The following FAM13A variants were observed in gnomAD, a reference collection of about 807,000 sequenced individuals.
The protein encoded by FAM13A is family with sequence similarity 13 member A.
FAM13A carries 76 observed loss-of-function variants against 129.6 expected under a neutral mutation model. The observed-to-expected ratio is 0.59, with a 90% CI of 0.49 to 0.71. The LOEUF (loss-of-function observed/expected upper bound fraction) is 0.71. Ranked by LOEUF, FAM13A falls within the 30% of genes least tolerant of loss-of-function variation. FAM13A has a pLI of 0.00. For synonymous variants in FAM13A, 443 were observed against 449.9 expected, an observed-to-expected ratio of 0.98 and a Z score of 0.20; for missense variants, 1,108 against 1,249.3, an observed-to-expected ratio of 0.89 and a Z score of 1.70.
At position 88,787,931 on chromosome 4, in the gene FAM13A, G is replaced by A. The variant is rs535040299; in HGVS notation, c.1093C>T (p.Leu365Phe). Residue 365 changes from leucine to phenylalanine, a missense_variant and splice_region_variant, in exon 10 of 24, where the codon CTC becomes TTC. Leu to Phe is a conservative substitution (Grantham distance 22, BLOSUM62 0). Transcript: ENST00000264344. ...GCTGATCGGATGGTTCTTTCTAAGA[G>A]TCTGGCAAAAAAGAATGCAGAGTCA... ...QVSNVSATGE[L>F]LERTIRSAVE... 7.5e-6 allele frequency: 12 copies of A among 1,608,952 alleles called. No homozygotes were observed. The highest frequency in any genetic ancestry group is 1.0e-5 in the Non-Finnish European group (12 of 1,178,008).
At chr4:88,738,690 A>G (rs1367451365) in intron 20 of FAM13A, among the ~76,000 whole-genome samples, 1 of 152,150 alleles carries the variant, frequency 6.6e-6, no homozygotes, top group Non-Finnish European at 1.5e-5. Context: ...CACTCTTTGG[A>G]GTGAAGAGGC....
intron 8 of FAM13A, among the ~76,000 whole-genome samples, chr4:88,800,696 CA>C (rs1185321303): frequency 2.8e-3 from 152 of 54,052 alleles, no homozygotes; most frequent in Admixed American, 4.4e-3. Flanking sequence ...GAAACAAAAA[CA>C]AAAAAAAAAA....
chr4:88,982,658 C>T (rs543677691), intron 4 of FAM13A, among the ~76,000 whole-genome samples: 3 of 152,294 alleles, frequency 2.0e-5, no homozygotes, highest in Non-Finnish European at 2.9e-5. Flanking sequence ...TCAAAACTTA[C>T]AGAAGCAATT....
At chr4:88,920,581 T>A (rs903163338) in intron 5 of FAM13A, among the ~76,000 whole-genome samples, 16 of 151,792 alleles carry the variant, frequency 1.1e-4, no homozygotes, top group Admixed American at 7.9e-4. Flanking sequence ...CAAAAGTAGA[T>A]AAAACCACAA....
At chr4:89,032,030 C>T (rs1374847370) in intron 1 of FAM13A, among the ~76,000 whole-genome samples, 1 of 151,396 alleles carries the variant, frequency 6.6e-6, no homozygotes, top group Admixed American at 6.6e-5. Flanking sequence ...CCATCCTGGC[C>T]AAAATGGTGA....
chr4:88,862,092 A>C (rs77814816), intron 6 of FAM13A, among the ~76,000 whole-genome samples: 170 of 152,368 alleles, frequency 1.1e-3, no homozygotes, highest in African/African-American at 3.8e-3. Context: ...GAGAGACTAA[A>C]TTAGACTTAT....
At chr4:88,779,552 G>A (rs1287471783) in intron 11 of FAM13A, among the ~76,000 whole-genome samples, 5 of 152,112 alleles carry the variant, frequency 3.3e-5, no homozygotes, top group African/African-American at 9.7e-5. Flanking sequence ...TATTGGCAGG[G>A]TTTCAAGTTA....
chr4:88,928,353 TTAGTC>T (rs70959635), intron 5 of FAM13A, among the ~76,000 whole-genome samples: 20,829 of 152,084 alleles, frequency 0.14, 1,832 homozygotes, highest in Non-Finnish European at 0.2. Flanking sequence ...CTAAGTCCGT[TTAGTC>T]TAAAGTCCAA....
At chr4:88,808,151 G>T (rs1728956463) in intron 7 of FAM13A, among the ~76,000 whole-genome samples, 1 of 151,898 alleles carries the variant, frequency 6.6e-6, no homozygotes. Context: ...CCCTTTTCTG[G>T]GATTTAGTAA....
chr4:88,999,408 G>C (rs918371407), intron 3 of FAM13A, among the ~76,000 whole-genome samples: 3 of 152,148 alleles, frequency 2.0e-5, no homozygotes, highest in African/African-American at 7.2e-5. Flanking sequence ...GTACCGAGGA[G>C]ACTGGAAAAA....
intron 7 of FAM13A, among the ~76,000 whole-genome samples, chr4:88,842,376 A>G (rs1347925865): frequency 1.3e-5 from 2 of 152,278 alleles, no homozygotes; most frequent in Non-Finnish European, 2.9e-5. Flanking sequence ...GAAGAACCAC[A>G]GAAGCGTAAA....
intron 4 of FAM13A, among the ~76,000 whole-genome samples, chr4:88,950,371 T>C (rs897720888): frequency 1.3e-5 from 2 of 152,096 alleles, no homozygotes; most frequent in South Asian, 2.1e-4. Context: ...CAGCTAAAAA[T>C]TGGATCAAAT....
rs1736746776 is a variant in FAM13A at position 88,727,950 on chromosome 4, T to C, written c.*583A>G. The C allele has an allele frequency of 6.5e-6, 1 of 152,766 alleles. No individual in the cohort carries two copies. The highest frequency in any genetic ancestry group is 2.4e-5 in the African/African-American group (1 of 41,458). The allele number at this position is 152,766 out of a possible 1,614,324, so 9.5% of individuals were successfully genotyped here. A position where few individuals can be genotyped will look rare whatever the true frequency, so the allele number is the denominator to read the frequency against. On this transcript the variant is annotated 3_prime_UTR_variant, in exon 24 of 24. Transcript: ENST00000264344. ...TGGGCAGATGCAGCTTCCATCTACC[T>C]GAGGGCTGAAGGGGAAAACCTTTCA...
intron 7 of FAM13A, among the ~76,000 whole-genome samples, chr4:88,820,701 G>C (rs2149827030): frequency 6.6e-6 from 1 of 152,246 alleles, no homozygotes; most frequent in Admixed American, 6.5e-5. Context: ...ATTAGATTTA[G>C]GAAGCTTGTT....
chr4:88,968,496 C>G (rs1476404445), intron 4 of FAM13A, among the ~76,000 whole-genome samples: 1 of 152,134 alleles, frequency 6.6e-6, no homozygotes, highest in Non-Finnish European at 1.5e-5. Context: ...TAATTACTTA[C>G]TCTACAATGA....
At chr4:88,764,019 A>G (rs995869819) in intron 13 of FAM13A, among the ~76,000 whole-genome samples, 1 of 152,234 alleles carries the variant, frequency 6.6e-6, no homozygotes, top group Non-Finnish European at 1.5e-5. Context: ...ACAGTCATCC[A>G]TTCTATAAAT....
At chr4:88,841,258 G>A (rs1337597639) in intron 7 of FAM13A, among the ~76,000 whole-genome samples, 1 of 152,072 alleles carries the variant, frequency 6.6e-6, no homozygotes, top group Non-Finnish European at 1.5e-5. Context: ...CACTTTGGGA[G>A]GCCTAGCTGG....
intron 5 of FAM13A, among the ~76,000 whole-genome samples, chr4:88,922,707 A>G (rs1751339793): frequency 6.6e-6 from 1 of 152,244 alleles, no homozygotes; most frequent in African/African-American, 2.4e-5. Flanking sequence ...AAATCAGAGT[A>G]GAACTGAAGG....
chr4:88,889,029 A>G (rs1744924934), intron 6 of FAM13A, among the ~76,000 whole-genome samples: 2 of 151,370 alleles, frequency 1.3e-5, no homozygotes, highest in Non-Finnish European at 2.9e-5. Flanking sequence ...CCCTATACCC[A>G]CTCCCAGGGG....
Sources: allele counts gnomAD v4.1 joint callset (sites outside exome capture counted in the v4.1 genomes callset), GRCh38; gene constraint gnomAD v4.1.1; transcripts MANE v1.5; gene names NCBI Gene and HGNC (gene_info 2026-07-23, HGNC 2026-07-21).